Variants in SLIT3 observed in about 807,000 individuals in gnomAD.
SLIT3 encodes the protein slit guidance ligand 3.
A neutral mutation model predicts 184.0 loss-of-function variants in SLIT3; 68 were observed. That is an observed-to-expected ratio of 0.37 (90% CI 0.30 to 0.45). The LOEUF (loss-of-function observed/expected upper bound fraction) is 0.45. Among genes scored for constraint, SLIT3 ranks in the 20% least tolerant of loss-of-function variants. SLIT3 has a pLI of 1.00. For synonymous variants in SLIT3, 831 were observed against 828.6 expected (o/e 1.00, Z -0.05); for missense variants, 1,707 against 2,026.0 (o/e 0.84, Z 3.02).
intron 6 of SLIT3, among the ~76,000 whole-genome samples, chr5:168,838,270 G>C (rs958710484): frequency 2.6e-5 from 4 of 152,182 alleles, no homozygotes; most frequent in Non-Finnish European, 4.4e-5. Flanking sequence ...GGGCAAGTCA[G>C]TCAACTTTTC....
At chr5:168,958,226 G>T (rs566912966) in intron 4 of SLIT3, among the ~76,000 whole-genome samples, 2 of 152,278 alleles carry the variant, frequency 1.3e-5, no homozygotes. Context: ...AAGCTATCAC[G>T]GATTCAGAAA....
chr5:168,835,198 G>A (rs967053214), intron 6 of SLIT3, among the ~76,000 whole-genome samples: 16 of 152,036 alleles, frequency 1.1e-4, no homozygotes, highest in African/African-American at 3.9e-4. Flanking sequence ...ATTGGAAGTT[G>A]AATTATAAAT....
chr5:168,719,596 C>G (rs1472823074), intron 23 of SLIT3, among the ~76,000 whole-genome samples: 1 of 152,188 alleles, frequency 6.6e-6, no homozygotes. Flanking sequence ...ACTTCATTGA[C>G]TGGTTGCCTC....
At chr5:168,977,076 A>T (rs1278913858) in intron 4 of SLIT3, among the ~76,000 whole-genome samples, 1 of 152,182 alleles carries the variant, frequency 6.6e-6, no homozygotes, top group Non-Finnish European at 1.5e-5. Context: ...CCAGGAGGGA[A>T]GTTAATGAAG....
rs555719848 is a variant in SLIT3 at position 169,035,936 on chromosome 5, A to G, written c.414-152600T>C. On this transcript the variant is annotated intron_variant, in intron 4 of 35. Coordinates refer to ENST00000519560, the MANE Select transcript of SLIT3 (RefSeq NM_003062.4). ...GCATCTCCTTTCTCTGAGCCTTTTT[A>G]TTAGACTTCTTTCCCCATCCCTAAT... 2.9e-3 allele frequency among the ~76,000 whole-genome samples: 441 copies of G among 152,254 alleles called. 3 individuals carry two copies. The highest frequency in any genetic ancestry group is 0.01 in the African/African-American group (422 of 41,558).
At chr5:168,732,178 A>G (rs1384157205) in intron 20 of SLIT3, among the ~76,000 whole-genome samples, 1 of 152,078 alleles carries the variant, frequency 6.6e-6, no homozygotes, top group Non-Finnish European at 1.5e-5. Context: ...CAAATCAAGA[A>G]GGCAATCCCA....
intron 5 of SLIT3, among the ~76,000 whole-genome samples, chr5:168,865,655 T>C (rs1759272575): frequency 6.6e-6 from 1 of 152,136 alleles, no homozygotes; most frequent in Non-Finnish European, 1.5e-5. Flanking sequence ...TCAAGATAAA[T>C]AGAATCATAC....
chr5:168,980,102 C>T (rs1754899395), intron 4 of SLIT3, among the ~76,000 whole-genome samples: 1 of 152,132 alleles, frequency 6.6e-6, no homozygotes, highest in Admixed American at 6.6e-5. Flanking sequence ...GGACACAGCC[C>T]TCAAAAGACT....
At chr5:168,781,739 TGCTCTGCAGATCAAAAAACCG>T (rs1452394651) in intron 12 of SLIT3, among the ~76,000 whole-genome samples, 1 of 152,188 alleles carries the variant, frequency 6.6e-6, no homozygotes, top group African/African-American at 2.4e-5. Flanking sequence ...GAGAATTTCT[TGCTCTGCAGATCAAAAAACCG>T]GCTCTGCAGA....
intron 1 of SLIT3, among the ~76,000 whole-genome samples, chr5:169,295,466 C>T (rs193286589): frequency 5.3e-5 from 8 of 152,238 alleles, no homozygotes; most frequent in Admixed American, 2.0e-4. Context: ...GAAGACCGTG[C>T]GCTCATCATC....
intron 23 of SLIT3, among the ~76,000 whole-genome samples, chr5:168,717,394 C>T: frequency 6.6e-6 from 1 of 151,244 alleles, no homozygotes; most frequent in Non-Finnish European, 1.5e-5. Context: ...TTTCAGAAAG[C>T]CTTTTGGGTG....
intron 4 of SLIT3, among the ~76,000 whole-genome samples, chr5:168,913,741 C>A (rs75918472): frequency 9.4e-4 from 123 of 130,896 alleles, no homozygotes; most frequent in East Asian, 1.3e-3. Context: ...AACTCCGTCT[C>A]AAAAAAAAAA....
At chr5:168,951,251 AT>A (rs1390713122) in intron 4 of SLIT3, among the ~76,000 whole-genome samples, 2 of 152,288 alleles carry the variant, frequency 1.3e-5, no homozygotes, top group Non-Finnish European at 1.5e-5. Flanking sequence ...CATCAAATCT[AT>A]TTAATTTCAG....
Position 168,708,004 on chromosome 5 carries a change from T to C in SLIT3, c.2816A>G (p.Tyr939Cys). The change falls in exon 26 of 36, where the codon TAC becomes TGC. Residue 939 changes from tyrosine to cysteine, a missense_variant. Coordinates refer to ENST00000519560, the MANE Select transcript of SLIT3 (RefSeq NM_003062.4). ...GTCTQDPVEL[Y>C]RCACPYSYKG... is the part of the protein sequence containing the mutation. Reference sequence around the variant, plus strand: ...GTAGCTGTAGGGGCAGGCACAGCGGTACAGCTCCACAGGGTCCTGGGTGCA... The same window carrying C: ...GTAGCTGTAGGGGCAGGCACAGCGGCACAGCTCCACAGGGTCCTGGGTGCA... The C allele has an allele frequency of 6.2e-7, 1 of 1,614,166 alleles. No individual in the cohort carries two copies. The highest frequency in any genetic ancestry group is 8.5e-7 in the Non-Finnish European group (1 of 1,180,016).
chr5:168,725,394 C>T (rs1374949166), intron 20 of SLIT3, among the ~76,000 whole-genome samples: 1 of 152,154 alleles, frequency 6.6e-6, no homozygotes, highest in Non-Finnish European at 1.5e-5. Context: ...GACATGCCAC[C>T]CTTGCTGTAA....
intron 4 of SLIT3, among the ~76,000 whole-genome samples, chr5:169,046,173 A>C (rs2113041358): frequency 6.6e-6 from 1 of 152,260 alleles, no homozygotes; most frequent in South Asian, 2.1e-4. Context: ...GTATAGGTAA[A>C]GAGGTGGTAT....
chr5:168,864,167 C>T (rs1759217325), intron 5 of SLIT3, among the ~76,000 whole-genome samples: 1 of 152,158 alleles, frequency 6.6e-6, no homozygotes, highest in South Asian at 2.1e-4. Context: ...CCACTGCACT[C>T]CAGCCCGGCC....
Position 168,753,916 on chromosome 5 carries a change from G to T in SLIT3, c.1777C>A (p.Leu593Met). 6.2e-6 allele frequency: 10 copies of T among 1,612,222 alleles called. No homozygotes were observed. Among genetic ancestry groups the T allele is most frequent in the Non-Finnish European group, 8.5e-6 (10 of 1,180,010 alleles). ...VQELMLTGNQ[L>M]ETVHGRVFRG... Reference sequence around the variant, plus strand: ...AACACGCGCCCGTGCACGGTCTCCAGCTGGTTCCCTGTCAGCATCAGCTCC... The same window carrying T: ...AACACGCGCCCGTGCACGGTCTCCATCTGGTTCCCTGTCAGCATCAGCTCC... The change falls in exon 17 of 36, where the codon CTG becomes ATG. Residue 593 changes from leucine (L) to methionine (M), a missense_variant. Physicochemically the swap from Leu to Met is conservative, Grantham distance 15 (BLOSUM62 2). Around this residue, in one of 3 missense-constraint regions of SLIT3, gnomAD observed 1,307 missense variants for 1,511.6 expected, o/e 0.86. Coordinates refer to ENST00000519560, the MANE Select transcript of SLIT3 (RefSeq NM_003062.4).
intron 4 of SLIT3, among the ~76,000 whole-genome samples, chr5:169,172,899 T>C (rs1274203337): frequency 6.6e-6 from 1 of 152,192 alleles, no homozygotes; most frequent in Non-Finnish European, 1.5e-5. Context: ...CTGGGGAAGC[T>C]AGAGCTAGAA....
Sources: gnomAD v4.1 joint callset for allele counts (sites outside exome capture counted in the v4.1 genomes callset) on GRCh38, gnomAD v4.1.1 for gene constraint, gnomAD v4.1.1 regional missense constraint, MANE v1.5 for transcripts, NCBI Gene and HGNC (gene_info 2026-07-23, HGNC 2026-07-21) for gene names.